The following ARHGAP44 variants were observed in gnomAD, a reference collection of about 807,000 sequenced individuals.
ARHGAP44 encodes the protein Rho GTPase activating protein 44.
In ARHGAP44, 43 loss-of-function variants were observed where a neutral mutation model predicts 106.8. That is an observed-to-expected ratio of 0.40 (90% CI 0.32 to 0.52). ARHGAP44 has a LOEUF of 0.52. Among genes scored for constraint, ARHGAP44 ranks in the 20% least tolerant of loss-of-function variants. The pLI is 0.48. For synonymous variants in ARHGAP44, 439 were observed against 410.3 expected, an observed-to-expected ratio of 1.07 and a Z score of -0.85; for missense variants, 866 against 1,050.5, an observed-to-expected ratio of 0.82 and a Z score of 2.43.
intron 1 of ARHGAP44, among the ~76,000 whole-genome samples, chr17:12,885,066 A>C (rs1427956595): frequency 6.6e-6 from 1 of 151,932 alleles, no homozygotes; most frequent in Non-Finnish European, 1.5e-5. Context: ...ACATCCAGCT[A>C]ATTTTTGTAT....
chr17:12,881,665 A>T (rs891637827), intron 1 of ARHGAP44, among the ~76,000 whole-genome samples: 3 of 152,010 alleles, frequency 2.0e-5, no homozygotes, highest in South Asian at 2.1e-4. Flanking sequence ...TTGCATTTCC[A>T]TACAAATTTT....
At chr17:12,979,718 T>C (rs1282312134) in intron 18 of ARHGAP44, among the ~76,000 whole-genome samples, 1 of 152,192 alleles carries the variant, frequency 6.6e-6, no homozygotes, top group African/African-American at 2.4e-5. Flanking sequence ...GTTCTAGAAT[T>C]CCTGGGTTGA....
At chr17:12,881,535 G>T (rs527686696) in intron 1 of ARHGAP44, among the ~76,000 whole-genome samples, 1 of 151,978 alleles carries the variant, frequency 6.6e-6, no homozygotes, top group African/African-American at 2.4e-5. Context: ...TTCAGTGACC[G>T]ATGCAAACAT....
chr17:12,918,286 G>A (rs540400659), intron 5 of ARHGAP44, among the ~76,000 whole-genome samples: 5 of 152,306 alleles, frequency 3.3e-5, no homozygotes, highest in East Asian at 3.9e-4. Context: ...GTTGTTACAC[G>A]CAGAACATTA....
At chr17:12,811,238 G>C (rs2150779702) in intron 1 of ARHGAP44, among the ~76,000 whole-genome samples, 1 of 151,896 alleles carries the variant, frequency 6.6e-6, no homozygotes, top group African/African-American at 2.4e-5. Context: ...GTGTGAGCCT[G>C]GGAGGCGGAG....
intron 19 of ARHGAP44, among the ~76,000 whole-genome samples, chr17:12,981,934 C>T (rs1418423622): frequency 2.6e-5 from 4 of 152,058 alleles, no homozygotes; most frequent in African/African-American, 9.7e-5. Flanking sequence ...TTGCTTGAAC[C>T]TGGGAGGTGG....
At chr17:12,911,325 AT>A (rs150587322) in intron 4 of ARHGAP44, among the ~76,000 whole-genome samples, 31,038 of 150,522 alleles carry the variant, frequency 0.21, 3,402 homozygotes, top group Non-Finnish European at 0.25. Flanking sequence ...CAATATGGAG[AT>A]TTTTTTTTTT....
At chr17:12,831,015 C>T (rs7211203) in intron 1 of ARHGAP44, among the ~76,000 whole-genome samples, 2,795 of 152,262 alleles carry the variant, frequency 0.018, 83 homozygotes, top group African/African-American at 0.063. Context: ...TTTTCCTGTT[C>T]GGTTTTTGTC....
chr17:12,943,978 T>C, intron 9 of ARHGAP44, 91 bp from the exon 10 acceptor site: 1 of 1,447,126 alleles, frequency 6.9e-7, no homozygotes, highest in South Asian at 1.4e-5. Flanking sequence ...TTGGTAATCT[T>C]AGGAGAATCT....
At chr17:12,871,447 G>A (rs2036405147) in intron 1 of ARHGAP44, among the ~76,000 whole-genome samples, 1 of 152,152 alleles carries the variant, frequency 6.6e-6, no homozygotes, top group South Asian at 2.1e-4. Flanking sequence ...AGTGTGGCTG[G>A]GAAGGCCTCA....
rs1007468564 is a variant in ARHGAP44 at position 12,861,696 on chromosome 17, G to T, written c.54-33244G>T. The stretch of plus-strand genomic sequence containing the variant: ...TGCTCAGTCGCTGGAGTGCAGTGGC[G>T]CAATCTCGGCTCACTGCAACCTCCG... On this transcript the variant is annotated intron_variant, in intron 1 of 20. Transcript: ENST00000379672. Among the ~76,000 whole-genome samples the T allele has an allele frequency of 5.3e-5, 6 of 113,742 alleles. 1 individual carries two copies. The highest frequency in any genetic ancestry group is 1.1e-4 in the Non-Finnish European group (6 of 56,362). The allele number at this position is 113,742 out of a possible 152,430, so 74.6% of individuals were successfully genotyped here.
intron 16 of ARHGAP44, among the ~76,000 whole-genome samples, chr17:12,968,016 G>A (rs1859969): frequency 2.4e-4 from 37 of 152,282 alleles, no homozygotes; most frequent in Middle Eastern, 3.4e-3. Flanking sequence ...GGTAAGCACC[G>A]ACTTGAATCA....
intron 7 of ARHGAP44, among the ~76,000 whole-genome samples, chr17:12,934,525 A>G (rs1004124130): frequency 6.6e-6 from 1 of 152,218 alleles, no homozygotes; most frequent in African/African-American, 2.4e-5. Flanking sequence ...GTTACTTCAG[A>G]TCCCTTCTGC....
At chr17:12,950,026 G>A (rs2038955246) in intron 12 of ARHGAP44, among the ~76,000 whole-genome samples, 1 of 152,154 alleles carries the variant, frequency 6.6e-6, no homozygotes, top group African/African-American at 2.4e-5. Flanking sequence ...TTAAAAAATA[G>A]GTAGAGTTAT....
In ARHGAP44 at chr17:12,990,393, T is replaced by C. The variant is rs1484070539; in HGVS notation, c.*222T>C. 1 of 548,614 alleles carries C rather than the reference T, an allele frequency of 1.8e-6. No homozygotes were observed. Among genetic ancestry groups the C allele is most frequent in the African/African-American group, 1.9e-5 (1 of 53,304 alleles). The allele number at this position is 548,614 out of a possible 1,614,324, so 34.0% of individuals were successfully genotyped here. ...CTTTCGGGTGGTGACTTCGGCCTTT[T>C]GTTTGACCTTTGCCTTTTGACTTTG... On this transcript the variant is annotated 3_prime_UTR_variant, in exon 21 of 21. Coordinates refer to ENST00000379672, the MANE Select transcript of ARHGAP44 (RefSeq NM_014859.6).
At chr17:12,870,393 T>G (rs2036375939) in intron 1 of ARHGAP44, among the ~76,000 whole-genome samples, 1 of 152,260 alleles carries the variant, frequency 6.6e-6, no homozygotes, top group Non-Finnish European at 1.5e-5. Context: ...AGCCTTTTAA[T>G]ACGTACTGCC....
intron 1 of ARHGAP44, among the ~76,000 whole-genome samples, chr17:12,848,615 C>G (rs1597933474): frequency 6.6e-6 from 1 of 152,204 alleles, no homozygotes; most frequent in East Asian, 1.9e-4. Context: ...TTATAGCCCT[C>G]TGCCAGGGTG....
chr17:12,942,299 G>A (rs995349204), intron 8 of ARHGAP44, among the ~76,000 whole-genome samples: 2 of 152,096 alleles, frequency 1.3e-5, no homozygotes, highest in African/African-American at 4.8e-5. Context: ...GGCGCATGCC[G>A]CCATGCCCAG....
chr17:12,886,030 T>G (rs770570691), intron 1 of ARHGAP44, among the ~76,000 whole-genome samples: 1 of 152,196 alleles, frequency 6.6e-6, no homozygotes, highest in Non-Finnish European at 1.5e-5. Flanking sequence ...TTGTGAATTA[T>G]GTACAAATGG....
Sources: gnomAD v4.1 joint callset for allele counts (sites outside exome capture counted in the v4.1 genomes callset) on GRCh38, gnomAD v4.1.1 for gene constraint, MANE v1.5 for transcripts, NCBI Gene and HGNC (gene_info 2026-07-23, HGNC 2026-07-21) for gene names.